The following TRAPPC8 variants were observed in gnomAD, a reference collection of about 807,000 sequenced individuals.
The protein encoded by TRAPPC8 is trafficking protein particle complex subunit 8.
In TRAPPC8, 54 loss-of-function variants were observed where a neutral mutation model predicts 174.3. That is an observed-to-expected ratio of 0.31 (90% CI 0.25 to 0.39). The LOEUF (loss-of-function observed/expected upper bound fraction) is 0.39. Ranked by LOEUF, TRAPPC8 falls within the 10% of genes least tolerant of loss-of-function variation. The pLI is 1.00. For missense variants in TRAPPC8, 1,531 were observed against 1,699.1 expected (o/e 0.90, Z 1.74); for synonymous variants, 630 against 579.9 (o/e 1.09, Z -1.24).
chr18:31,910,534 CAT>C (rs1445726487), intron 5 of TRAPPC8, among the ~76,000 whole-genome samples: 56 of 152,280 alleles, frequency 3.7e-4, no homozygotes, highest in African/African-American at 1.2e-3. Flanking sequence ...GGAAAACTAA[CAT>C]AGTCACTCCC....
rs571572245 is a variant in TRAPPC8 at position 31,925,367 on chromosome 18, G to A, written c.352+5962C>T. Among the ~76,000 whole-genome samples, 15 of 151,756 alleles carry A rather than the reference G, an allele frequency of 9.9e-5. 1 individual carries two copies. Among genetic ancestry groups the A allele is most frequent in the African/African-American group, 2.4e-5 (1 of 41,398 alleles). On this transcript the variant is annotated intron_variant, in intron 2 of 28. Transcript: ENST00000283351. ...ATGTCACAATAAAGGAAAATCTAGA[G>A]AAGAAAATAGCTCCAAAAAAACCCC...
chr18:31,921,334 T>G (rs2037379571), intron 2 of TRAPPC8, among the ~76,000 whole-genome samples: 1 of 151,648 alleles, frequency 6.6e-6, no homozygotes, highest in Non-Finnish European at 1.5e-5. Context: ...GATCTTTAGG[T>G]CAGGCACGGT....
chr18:31,885,704 CA>C (rs946291977), intron 12 of TRAPPC8, among the ~76,000 whole-genome samples: 20 of 150,060 alleles, frequency 1.3e-4, no homozygotes, highest in African/African-American at 4.4e-4. Flanking sequence ...ACTAAAAATA[CA>C]AAAAAAAATT....
chr18:31,892,301 C>G (rs1431897199), intron 11 of TRAPPC8, among the ~76,000 whole-genome samples: 1 of 152,058 alleles, frequency 6.6e-6, no homozygotes, highest in African/African-American at 2.4e-5. Context: ...AATACATATG[C>G]ATTTTTAAAA....
Position 31,879,621 on chromosome 18 carries a change from T to A in TRAPPC8, c.1729-4917A>T, listed in dbSNP as rs183856751. The stretch of plus-strand genomic sequence containing the variant: ...GAAAAGAAATAAAGATCAGAGCAGA[T>A]CTTTATTCTTTAAATGAAATTGAGA... On this transcript the variant is annotated intron_variant, in intron 12 of 28. Transcript: ENST00000283351. Among the ~76,000 whole-genome samples the A allele has an allele frequency of 1.9e-3, 296 of 152,096 alleles. 3 individuals are homozygous for A. The highest frequency in any genetic ancestry group is 2.2e-3 in the Non-Finnish European group (150 of 67,940).
chr18:31,833,580 C>A (rs938913254), intron 27 of TRAPPC8, among the ~76,000 whole-genome samples: 5 of 152,190 alleles, frequency 3.3e-5, no homozygotes, highest in Admixed American at 6.5e-5. Context: ...CACCACAATG[C>A]AATCTATTCT....
intron 12 of TRAPPC8, among the ~76,000 whole-genome samples, chr18:31,876,861 C>A (rs893975902): frequency 2.0e-5 from 3 of 152,180 alleles, no homozygotes; most frequent in Non-Finnish European, 4.4e-5. Flanking sequence ...ATGTGGGTGG[C>A]CAGCTCACAC....
intron 2 of TRAPPC8, among the ~76,000 whole-genome samples, chr18:31,919,409 T>A (rs921836642): frequency 2.0e-5 from 3 of 151,734 alleles, no homozygotes; most frequent in Non-Finnish European, 2.9e-5. Flanking sequence ...GGCGCCCTTG[T>A]GCAATCCCAG....
At chr18:31,859,144 T>A (rs1598618993) in intron 19 of TRAPPC8, among the ~76,000 whole-genome samples, 1 of 151,968 alleles carries the variant, frequency 6.6e-6, no homozygotes, top group African/African-American at 2.4e-5. Flanking sequence ...ATGTCACAAC[T>A]AACATCTAAG....
At chr18:31,941,140 T>C (rs1206727157) in intron 1 of TRAPPC8, among the ~76,000 whole-genome samples, 1 of 152,196 alleles carries the variant, frequency 6.6e-6, no homozygotes, top group Non-Finnish European at 1.5e-5. Context: ...CTCAAGTGTT[T>C]GTGTTTTTTT....
At chr18:31,921,196 T>C (rs1286666258) in intron 2 of TRAPPC8, among the ~76,000 whole-genome samples, 1 of 152,148 alleles carries the variant, frequency 6.6e-6, no homozygotes, top group Non-Finnish European at 1.5e-5. Flanking sequence ...GAGCCATACC[T>C]ATATTTGCTT....
chr18:31,868,645 C>G (rs1436391879), intron 16 of TRAPPC8, among the ~76,000 whole-genome samples: 1 of 152,008 alleles, frequency 6.6e-6, no homozygotes, highest in South Asian at 2.1e-4. Context: ...ATATCTTTGA[C>G]AAATTTAACC....
Position 31,839,407 on chromosome 18 carries a change from T to C in TRAPPC8, c.3888A>G (p.Thr1296=), listed in dbSNP as rs539239446. 182 of 1,610,742 alleles carry C rather than the reference T, an allele frequency of 1.1e-4. 1 individual carries two copies. In the South Asian group the frequency reaches 1.8e-3, roughly 16 times the overall value. ...LLKFFRPENI[T]VSSRPSVEQL... ...GCTCTACTGATGGCCTTGAGGAAAC[T>C]GTAATGTTTTCTGGCCTGAAAAATT... Residue 1296 remains threonine (T), a synonymous_variant, in exon 27 of 29, where the codon ACA becomes ACG. Coordinates refer to ENST00000283351, the MANE Select transcript of TRAPPC8 (RefSeq NM_014939.5).
intron 11 of TRAPPC8, among the ~76,000 whole-genome samples, chr18:31,893,933 G>C (rs1206909273): frequency 6.6e-6 from 1 of 152,114 alleles, no homozygotes; most frequent in African/African-American, 2.4e-5. Context: ...AGCAATCCTG[G>C]ACATTCTCAT....
chr18:31,836,793 G>A (rs972539922), intron 27 of TRAPPC8, among the ~76,000 whole-genome samples: 6 of 127,786 alleles, frequency 4.7e-5, no homozygotes, highest in African/African-American at 9.2e-5. Context: ...ACAGAGTCTC[G>A]CTCTGTCGCC....
At chr18:31,898,830 T>C (rs1427407521) in intron 10 of TRAPPC8, among the ~76,000 whole-genome samples, 1 of 152,228 alleles carries the variant, frequency 6.6e-6, no homozygotes, top group Admixed American at 6.5e-5. Flanking sequence ...TGGAATCCTA[T>C]TGCTGGCAAA....
At chr18:31,851,846 T>C (rs889732148) in intron 24 of TRAPPC8, among the ~76,000 whole-genome samples, 4 of 152,100 alleles carry the variant, frequency 2.6e-5, no homozygotes, top group Admixed American at 6.5e-5. Flanking sequence ...CTTTCCCTAA[T>C]AGAAAAGCTC....
At chr18:31,866,681 G>T (rs16962527) in intron 18 of TRAPPC8, among the ~76,000 whole-genome samples, 168 bp downstream of exon 18, 5,122 of 152,238 alleles carry the variant, frequency 0.034, 290 homozygotes, top group African/African-American at 0.12. Context: ...CGCTAGAGAT[G>T]ATGTTAGAAG....
intron 26 of TRAPPC8, among the ~76,000 whole-genome samples, chr18:31,843,272 C>CT (rs1305778466): frequency 6.6e-6 from 1 of 152,058 alleles, no homozygotes; most frequent in Admixed American, 6.5e-5. Context: ...CCTCTTCTGT[C>CT]TTTTTTCTTT....
Sources: gnomAD v4.1 joint callset for allele counts (sites outside exome capture counted in the v4.1 genomes callset) on GRCh38, gnomAD v4.1.1 for gene constraint, MANE v1.5 for transcripts, NCBI Gene and HGNC (gene_info 2026-07-23, HGNC 2026-07-21) for gene names.